COPG2: variants seen among roughly 807,000 people sequenced by gnomAD.
The protein encoded by COPG2 is coat protein complex I subunit gamma 2.
A neutral mutation model predicts 46.3 loss-of-function variants in COPG2; 37 were observed. That is an observed-to-expected ratio of 0.80 (90% CI 0.61 to 1.05). The LOEUF is 1.05. Among genes scored for constraint, COPG2 ranks in the 50% least tolerant of loss-of-function variants. COPG2 has a pLI of 0.00. For missense variants in COPG2, 427 were observed against 387.8 expected (o/e 1.10, Z -0.85); for synonymous variants, 159 against 129.7 (o/e 1.23, Z -1.53).
rs1584981778 is a variant in COPG2 at position 130,580,196 on chromosome 7, C to A, written c.738-15803G>T. Among the ~76,000 whole-genome samples the A allele has an allele frequency of 2.0e-5, 3 of 152,288 alleles. No homozygotes were observed. In the South Asian group the frequency reaches 6.2e-4, roughly 32 times the overall value. On this transcript the variant is annotated intron_variant, in intron 9 of 23. Coordinates refer to ENST00000425248, the MANE Select transcript of COPG2 (RefSeq NM_012133.6). ...AGAACTCAGGATTAAGAAACTCACT[C>A]AAAACCACTCAACTACATAGAAACT...
chr7:130,618,751 T>C (rs1021231551), intron 5 of COPG2, among the ~76,000 whole-genome samples: 1 of 152,232 alleles, frequency 6.6e-6, no homozygotes, highest in Non-Finnish European at 1.5e-5. Context: ...TGTTTCTATT[T>C]ACATTTTTTG....
rs1180424081 is a variant in COPG2 at position 130,668,571 on chromosome 7, C to T, written c.37+61G>A. 9.7e-6 allele frequency: 14 copies of T among 1,441,512 alleles called. No homozygotes were observed. The African/African-American group carries it at 1.0e-4, about 11-fold the overall frequency. 89.3% of individuals were successfully genotyped at this position (1,441,512 alleles called of 1,614,324 possible). A position where few individuals can be genotyped will look rare whatever the true frequency, so the allele number is the denominator to read the frequency against. On this transcript the variant is annotated intron_variant, in intron 1 of 23. Coordinates refer to ENST00000425248, the MANE Select transcript of COPG2 (RefSeq NM_012133.6). Reference sequence around the variant, plus strand: ...GCCCCGCCGGCCTGAAAGCAGGTGGCGGCGGGCGGGGGAAGGGGCGTCCCG... The same window carrying T: ...GCCCCGCCGGCCTGAAAGCAGGTGGTGGCGGGCGGGGGAAGGGGCGTCCCG...
intron 20 of COPG2, chr7:130,510,957 C>T (rs895985684): frequency 3.8e-6 from 2 of 519,808 alleles, no homozygotes; most frequent in Non-Finnish European, 7.7e-6. Context: ...GAAAGAATGC[C>T]CTGAAGATCT....
chr7:130,548,081 A>G (rs1793474045), intron 19 of COPG2, among the ~76,000 whole-genome samples: 1 of 152,248 alleles, frequency 6.6e-6, no homozygotes, highest in African/African-American at 2.4e-5. Context: ...AGATGGCAGA[A>G]GTCTGATGGC....
At chr7:130,623,199 A>C (rs782801055) in intron 5 of COPG2, among the ~76,000 whole-genome samples, 2 of 152,182 alleles carry the variant, frequency 1.3e-5, no homozygotes, top group Non-Finnish European at 2.9e-5. Flanking sequence ...TCAAGGGCCA[A>C]TGAGTTAAAT....
chr7:130,612,284 T>C, intron 7 of COPG2, 46 bp from the exon 8 acceptor site: 1 of 1,173,620 alleles, frequency 8.5e-7, no homozygotes, highest in Non-Finnish European at 1.2e-6. Flanking sequence ...GCTTGGTCAC[T>C]AGAAGCTTAG....
chr7:130,507,606 GTTC>G, intron 22 of COPG2, 76 bp downstream of exon 22: 1 of 683,046 alleles, frequency 1.5e-6, no homozygotes, highest in East Asian at 2.5e-5. Context: ...TTTTAAAGGA[GTTC>G]TTCTGGAGTA....
intron 12 of COPG2, among the ~76,000 whole-genome samples, chr7:130,559,913 A>G (rs1793690356): frequency 6.6e-6 from 1 of 152,228 alleles, no homozygotes; most frequent in Non-Finnish European, 1.5e-5. Flanking sequence ...AAATGTTTCT[A>G]CTTTTATTCT....
At chr7:130,512,290 C>A (rs1189439590) in intron 20 of COPG2, among the ~76,000 whole-genome samples, 2 of 147,762 alleles carry the variant, frequency 1.4e-5, no homozygotes, top group African/African-American at 2.5e-5. Context: ...CCAGCCTGGG[C>A]AACAAGAGCA....
intron 9 of COPG2, among the ~76,000 whole-genome samples, chr7:130,569,900 C>CAT (rs1793867052): frequency 6.6e-6 from 1 of 152,154 alleles, no homozygotes; most frequent in African/African-American, 2.4e-5. Flanking sequence ...GATGGTTTAA[C>CAT]ATACGCAAGT....
In COPG2 at chr7:130,550,514, T is replaced by C. The variant is rs1269797468; in HGVS notation, c.1774+10A>G. 24 of 379,302 alleles carry C rather than the reference T, an allele frequency of 6.3e-5. 2 individuals are homozygous for C. Among genetic ancestry groups the C allele is most frequent in the East Asian group, 7.4e-5 (2 of 26,896 alleles). 23.5% of individuals were successfully genotyped at this position (379,302 alleles called of 1,614,324 possible). On this transcript the variant is annotated intron_variant, in intron 17 of 23. Coordinates refer to ENST00000425248, the MANE Select transcript of COPG2 (RefSeq NM_012133.6). ...AACTACTTATACACAGAAAAATGAA[T>C]AGAGTGAACCTGCTTTCTGTTCAAA... is the stretch of plus-strand genomic sequence containing the variant.
intron 9 of COPG2, 158 bp downstream of exon 9, chr7:130,610,795 G>A: frequency 4.0e-6 from 3 of 745,996 alleles, no homozygotes; most frequent in Non-Finnish European, 7.0e-6. Flanking sequence ...TAAAAAAAGT[G>A]TGACTTGAAA....
intron 9 of COPG2, among the ~76,000 whole-genome samples, chr7:130,585,579 G>A (rs1356496013): frequency 3.3e-5 from 5 of 152,028 alleles, no homozygotes; most frequent in Admixed American, 2.0e-4. Context: ...ATCTGACAAA[G>A]GACTAATATC....
chr7:130,591,653 G>A (rs1169843146), intron 9 of COPG2, among the ~76,000 whole-genome samples: 3 of 146,972 alleles, frequency 2.0e-5, no homozygotes, highest in South Asian at 2.2e-4. Flanking sequence ...GGTGAGGGGC[G>A]CCTCTGCCCG....
At chr7:130,535,802 C>G (rs1343223773) in intron 20 of COPG2, among the ~76,000 whole-genome samples, 1 of 151,742 alleles carries the variant, frequency 6.6e-6, no homozygotes, top group African/African-American at 2.4e-5. Context: ...AGCTGGTGGA[C>G]AATTACATGT....
chr7:130,639,571 G>A (rs781846641), intron 5 of COPG2, among the ~76,000 whole-genome samples: 2 of 152,134 alleles, frequency 1.3e-5, no homozygotes, highest in Non-Finnish European at 2.9e-5. Flanking sequence ...ATGAGACTCT[G>A]GATCCTATTA....
intron 19 of COPG2, 104 bp from the exon 20 acceptor site, chr7:130,547,949 A>G: frequency 2.5e-6 from 1 of 397,732 alleles, no homozygotes; most frequent in Admixed American, 4.4e-5. Context: ...CTATCTCTAC[A>G]GAGCAGGGTA....
intron 20 of COPG2, among the ~76,000 whole-genome samples, chr7:130,527,459 T>TG (rs1355705901): frequency 2.5e-5 from 2 of 80,396 alleles, no homozygotes; most frequent in African/African-American, 5.0e-5. Flanking sequence ...TTATCTGGGG[T>TG]GGGGGGTGGG....
chr7:130,571,295 A>C (rs1215829593), intron 9 of COPG2, among the ~76,000 whole-genome samples: 3 of 152,254 alleles, frequency 2.0e-5, no homozygotes, highest in Non-Finnish European at 4.4e-5. Context: ...CAAATGGTGC[A>C]TCTGATAAAG....
Sources: allele counts gnomAD v4.1 joint callset (sites outside exome capture counted in the v4.1 genomes callset), GRCh38; gene constraint gnomAD v4.1.1; transcripts MANE v1.5; gene names NCBI Gene and HGNC (gene_info 2026-07-23, HGNC 2026-07-21).